The following LY6S variants were observed in gnomAD, a reference collection of about 807,000 sequenced individuals.
The protein encoded by LY6S is lymphocyte antigen 6 family member S.
the LY6S span, among the ~76,000 whole-genome samples, chr8:143,067,575 A>G: frequency 2.0e-5 from 3 of 152,244 alleles, no homozygotes; most frequent in Non-Finnish European, 4.4e-5. Flanking sequence ...CAGTGGGCCC[A>G]GGAGACCGGC....
chr8:143,069,609 C>T, the LY6S span, among the ~76,000 whole-genome samples: 28 of 152,170 alleles, frequency 1.8e-4, no homozygotes, highest in East Asian at 1.9e-4. Flanking sequence ...GCCACCAGGA[C>T]GGGACACACA....
the LY6S span, among the ~76,000 whole-genome samples, chr8:143,069,318 T>A: frequency 6.6e-6 from 1 of 152,218 alleles, no homozygotes; most frequent in Non-Finnish European, 1.5e-5. Context: ...GGTTTCAAGA[T>A]ATAACCTTGA....
At chr8:143,048,220 T>C in the LY6S span, among the ~76,000 whole-genome samples, 1 of 152,196 alleles carries the variant, frequency 6.6e-6, no homozygotes, top group African/African-American at 2.4e-5. Flanking sequence ...GGTTTCTAAG[T>C]TGCCTGGACC....
chr8:143,070,436 T>TA, the LY6S span, among the ~76,000 whole-genome samples: 1 of 89,484 alleles, frequency 1.1e-5, no homozygotes, highest in Non-Finnish European at 1.9e-5. Flanking sequence ...ATATATATTA[T>TA]ATATATATTG....
At chr8:143,044,883 G>A in the LY6S span, 1 of 1,248,274 alleles carries the variant, frequency 8.0e-7, no homozygotes, top group Non-Finnish European at 1.0e-6. Flanking sequence ...TGCCCACAAG[G>A]GCACCCACTC....
the LY6S span, chr8:143,053,218 C>G: frequency 2.6e-5 from 4 of 152,216 alleles, no homozygotes; most frequent in African/African-American, 4.8e-5. Flanking sequence ...TGCAATTAAC[C>G]TTTACAGAAA....
At chr8:143,073,640 G>T in the LY6S span, among the ~76,000 whole-genome samples, 1 of 134,992 alleles carries the variant, frequency 7.4e-6, no homozygotes, top group Admixed American at 7.3e-5. Flanking sequence ...TCATCCCCGG[G>T]GCTCCTGTTT....
the LY6S span, among the ~76,000 whole-genome samples, chr8:143,070,433 T>TA: frequency 4.2e-5 from 4 of 94,842 alleles, no homozygotes; most frequent in African/African-American, 2.6e-4. Context: ...TATATATATA[T>TA]TATATATATA....
At chr8:143,056,639 T>C in the LY6S span, among the ~76,000 whole-genome samples, 2 of 152,132 alleles carry the variant, frequency 1.3e-5, no homozygotes, top group Non-Finnish European at 1.5e-5. Flanking sequence ...AGAAATGCCT[T>C]TTTTTTGGAA....
At chr8:143,071,825 A>C in the LY6S span, among the ~76,000 whole-genome samples, 2 of 152,140 alleles carry the variant, frequency 1.3e-5, no homozygotes, top group Non-Finnish European at 2.9e-5. Context: ...TAATCTTCCA[A>C]GATCTACGGG....
At chr8:143,047,502 T>C in the LY6S span, among the ~76,000 whole-genome samples, 1 of 152,118 alleles carries the variant, frequency 6.6e-6, no homozygotes, top group African/African-American at 2.4e-5. Context: ...GACCATATCC[T>C]TGGGATGCAG....
the LY6S span, among the ~76,000 whole-genome samples, chr8:143,063,284 A>C: frequency 6.6e-6 from 1 of 152,226 alleles, no homozygotes; most frequent in Non-Finnish European, 1.5e-5. Flanking sequence ...TGCAAGGCCA[A>C]AGCCCTAAAT....
At chr8:143,051,477 G>T in the LY6S span, among the ~76,000 whole-genome samples, 2 of 151,920 alleles carry the variant, frequency 1.3e-5, no homozygotes, top group Admixed American at 6.6e-5. Context: ...GGAGGCAGAG[G>T]TTGCAGCGAC....
chr8:143,070,489 A>ATATATTT, the LY6S span, among the ~76,000 whole-genome samples: 4 of 81,708 alleles, frequency 4.9e-5, no homozygotes, highest in African/African-American at 3.1e-4. Context: ...ATATATATAT[A>ATATATTT]TTTTTTTTTT....
chr8:143,041,071 G>A, the LY6S span, among the ~76,000 whole-genome samples: 1 of 152,198 alleles, frequency 6.6e-6, no homozygotes, highest in South Asian at 2.1e-4. Context: ...AATTAAAATT[G>A]CTAATGAAGT....
the LY6S span, among the ~76,000 whole-genome samples, chr8:143,070,475 A>AT: frequency 3.1e-4 from 14 of 44,522 alleles, no homozygotes; most frequent in South Asian, 7.3e-4. Context: ...ATATATATAT[A>AT]AATATATATA....
the LY6S span, among the ~76,000 whole-genome samples, chr8:143,055,512 T>TA: frequency 6.6e-6 from 1 of 152,198 alleles, no homozygotes; most frequent in African/African-American, 2.4e-5. Flanking sequence ...GTCATTCTTT[T>TA]AAAAAACCTT....
the LY6S span, chr8:143,066,110 C>T: frequency 2.5e-6 from 1 of 407,790 alleles, no homozygotes; most frequent in South Asian, 2.0e-5. Context: ...CGGAAATGTC[C>T]CTGACTGCTG....
At chr8:143,056,189 G>A in the LY6S span, among the ~76,000 whole-genome samples, 5 of 146,112 alleles carry the variant, frequency 3.4e-5, no homozygotes, top group Non-Finnish European at 3.0e-5. Context: ...TATCAGGGTA[G>A]ATCATACATT....
Sources: allele counts gnomAD v4.1 joint callset (sites outside exome capture counted in the v4.1 genomes callset), GRCh38; gene constraint gnomAD v4.1.1; transcripts MANE v1.5; gene names NCBI Gene and HGNC (gene_info 2026-07-23, HGNC 2026-07-21).